The following ECPAS variants were observed in gnomAD, a reference collection of about 807,000 sequenced individuals.
ECPAS encodes proteasome adapter and scaffold protein ECM29.
In ECPAS, 70 loss-of-function variants were observed where a neutral mutation model predicts 255.1. The ratio of observed to expected loss-of-function variants is 0.27; its 90% confidence interval spans 0.23 to 0.33. The LOEUF (loss-of-function observed/expected upper bound fraction) is 0.33, where lower values mean the gene tolerates loss of function less well. Among genes scored for constraint, ECPAS ranks in the 10% least tolerant of loss-of-function variants. ECPAS has a pLI of 1.00. For synonymous variants in ECPAS, 784 were observed against 775.0 expected (o/e 1.01, Z -0.19); for missense variants, 1,817 against 2,206.4 (o/e 0.82, Z 3.54).
intron 9 of ECPAS, 99 bp from the exon 10 acceptor site, chr9:111,428,260 G>C (rs1042197338): frequency 1.8e-4 from 209 of 1,177,714 alleles, no homozygotes; most frequent in Non-Finnish European, 2.4e-4. Context: ...CTCAAACTTT[G>C]TTTCAAGATC....
chr9:111,479,954 C>A (rs1416307664), intron 1 of ECPAS, among the ~76,000 whole-genome samples: 1 of 144,762 alleles, frequency 6.9e-6, no homozygotes, highest in African/African-American at 2.6e-5. Flanking sequence ...GCACACCAGC[C>A]TGGGTGACAG....
intron 2 of ECPAS, among the ~76,000 whole-genome samples, chr9:111,464,867 T>C (rs1382800062): frequency 6.6e-6 from 1 of 152,144 alleles, no homozygotes; most frequent in East Asian, 1.9e-4. Flanking sequence ...TTGAATTGCA[T>C]CTGCAATGTT....
chr9:111,420,985 C>T (rs2098212673), intron 15 of ECPAS, among the ~76,000 whole-genome samples: 1 of 152,158 alleles, frequency 6.6e-6, no homozygotes, highest in Admixed American at 6.6e-5. Flanking sequence ...GTGCGTAGAA[C>T]CAGTATCTGT....
intron 24 of ECPAS, 75 bp from the exon 25 acceptor site, chr9:111,397,228 C>A: frequency 1.3e-6 from 2 of 1,572,058 alleles, no homozygotes; most frequent in Non-Finnish European, 1.7e-6. Context: ...AGAAAGCCTG[C>A]TTAAAAGTGT....
chr9:111,484,250 GC>G lies in ECPAS; in HGVS notation c.-218del. On this transcript the variant is annotated 5_prime_UTR_variant, in exon 1 of 50. Coordinates refer to ENST00000684092, the MANE Select transcript of ECPAS (RefSeq NM_001364929.1). ...GTCCGTGAGGGGCTGGGCCGAGCGG[GC>G]CCGGGCTGCCCTAGCGGCCGGGGGA... 7.4e-6 allele frequency: 11 copies of G among 1,485,392 alleles called. No individual in the cohort carries two copies. The highest frequency in any genetic ancestry group is 9.8e-6 in the Non-Finnish European group (11 of 1,122,526). 92.0% of individuals were successfully genotyped at this position (1,485,392 alleles called of 1,614,324 possible). A position where few individuals can be genotyped will look rare whatever the true frequency, so the allele number is the denominator to read the frequency against.
chr9:111,396,404 C>A (rs1476279251), intron 25 of ECPAS, among the ~76,000 whole-genome samples: 1 of 152,186 alleles, frequency 6.6e-6, no homozygotes, highest in Non-Finnish European at 1.5e-5. Flanking sequence ...GAGGACACAT[C>A]ATCTGGAAAC....
chr9:111,484,060 C>T lies in ECPAS; in HGVS notation c.-83+56G>A. Reference sequence around the variant, plus strand: ...GGCCTGTGCGGGCGGCCCGGCCTAACCGCGCCGCCGCGCGCGCAGGGCCAG... The same window carrying T: ...GGCCTGTGCGGGCGGCCCGGCCTAATCGCGCCGCCGCGCGCGCAGGGCCAG... On this transcript the variant is annotated intron_variant, in intron 1 of 49. Transcript: ENST00000684092. 8 of 1,129,376 alleles carry T rather than the reference C, an allele frequency of 7.1e-6. No homozygotes were observed. Among genetic ancestry groups the T allele is most frequent in the Non-Finnish European group, 8.7e-6 (8 of 924,576 alleles). The allele number at this position is 1,129,376 out of a possible 1,614,324, so 70.0% of individuals were successfully genotyped here.
intron 48 of ECPAS, among the ~76,000 whole-genome samples, chr9:111,364,821 T>C (rs999031596): frequency 2.6e-5 from 4 of 152,344 alleles, no homozygotes; most frequent in Middle Eastern, 3.4e-3. Flanking sequence ...CACTTATGTA[T>C]GTATCCCAAC....
chr9:111,386,216 A>G (rs4978994), intron 32 of ECPAS, among the ~76,000 whole-genome samples, 161 bp downstream of exon 32: 75,106 of 152,076 alleles, frequency 0.49, 18,998 homozygotes, highest in African/African-American at 0.58. Flanking sequence ...CACCCACCTC[A>G]GCCTCCCCAT....
intron 4 of ECPAS, 129 bp downstream of exon 4, chr9:111,444,249 A>C (rs1052655824): frequency 1.7e-6 from 1 of 605,546 alleles, no homozygotes; most frequent in African/African-American, 1.9e-5. Flanking sequence ...AAAAAAAAAA[A>C]AAACTCATGT....
chr9:111,479,763 G>A (rs954853001), intron 1 of ECPAS, among the ~76,000 whole-genome samples: 4 of 151,986 alleles, frequency 2.6e-5, no homozygotes, highest in African/African-American at 4.8e-5. Flanking sequence ...GGGGGATCAC[G>A]AGGTCAGGAG....
At position 111,408,594 on chromosome 9, in the gene ECPAS, G is replaced by C. The variant is rs375050977; in HGVS notation, c.2629C>G (p.Gln877Glu). ...ACCTCCACAGAATCCATCAGACCTT[G>C]CAAGAGGAGTTTCTGGTGAGGAAAA... ...GDFPHQKLLLQGLMDSVEAKQ... is the reference protein window; with the variant it reads ...GDFPHQKLLLEGLMDSVEAKQ... The change falls in exon 24 of 50, where the codon CAA becomes GAA. Residue 877 changes from glutamine to glutamate, a missense_variant. Transcript: ENST00000684092. The C allele has an allele frequency of 1.9e-5, 30 of 1,591,800 alleles. No homozygotes were observed. In the African/African-American group the frequency reaches 3.4e-4, roughly 18 times the overall value.
Position 111,433,326 on chromosome 9 carries a change from T to G in ECPAS, c.755A>C (p.Glu252Ala), listed in dbSNP as rs767685769. 1 of 1,614,000 alleles carries G rather than the reference T, an allele frequency of 6.2e-7. No homozygotes were observed. Among genetic ancestry groups the G allele is most frequent in the Non-Finnish European group, 8.5e-7 (1 of 1,179,852 alleles). Residue 252 changes from glutamate to alanine, a missense_variant, in exon 8 of 50, where the codon GAA becomes GCA. Glu to Ala is a moderately radical substitution (Grantham distance 107). This residue lies in a region of ECPAS where 573 missense variants were observed against 716.2 expected (regional missense o/e 0.80). Transcript: ENST00000684092. ...VKFIEAEQVPELEAVLHLVIA... is the reference protein window; with the variant it reads ...VKFIEAEQVPALEAVLHLVIA... Reference sequence around the variant, plus strand: ...CACCAAGTGGAGAACAGCTTCAAGTTCAGGCACCTGTTCAGCTTCTATGAA... The same window carrying G: ...CACCAAGTGGAGAACAGCTTCAAGTGCAGGCACCTGTTCAGCTTCTATGAA...
chr9:111,448,866 T>C (rs2098256650), intron 3 of ECPAS, among the ~76,000 whole-genome samples: 1 of 152,184 alleles, frequency 6.6e-6, no homozygotes, highest in Non-Finnish European at 1.5e-5. Flanking sequence ...TCAACATAAC[T>C]ATTACATATA....
chr9:111,362,574 A>G lies in ECPAS; in HGVS notation c.5381-405T>C, dbSNP rs574318912. 3.9e-5 allele frequency among the ~76,000 whole-genome samples: 6 copies of G among 152,314 alleles called. No individual in the cohort carries two copies. The South Asian group carries it at 1.0e-3, about 26-fold the overall frequency. On this transcript the variant is annotated intron_variant, in intron 49 of 49. Transcript: ENST00000684092. ...CAGTTAAAAAAAAAAAACTTCTAAGAAATGTCATAATTGCAAGGTCAGATA... is the reference window on the plus strand; with the variant it reads ...CAGTTAAAAAAAAAAAACTTCTAAGGAATGTCATAATTGCAAGGTCAGATA...
chr9:111,377,565 A>G (rs1293221776), intron 36 of ECPAS, among the ~76,000 whole-genome samples: 1 of 152,222 alleles, frequency 6.6e-6, no homozygotes, highest in Non-Finnish European at 1.5e-5. Flanking sequence ...AACACTATAC[A>G]TACATTAAAA....
intron 2 of ECPAS, among the ~76,000 whole-genome samples, chr9:111,454,016 G>C (rs1302157414): frequency 6.6e-6 from 1 of 152,056 alleles, no homozygotes; most frequent in Admixed American, 6.6e-5. Context: ...AAAAAAGGGA[G>C]GGAGGAAAGA....
At chr9:111,443,162 T>C (rs1417035310) in intron 4 of ECPAS, among the ~76,000 whole-genome samples, 2 of 152,220 alleles carry the variant, frequency 1.3e-5, no homozygotes, top group South Asian at 2.1e-4. Flanking sequence ...CCTGTATCAC[T>C]ATAATCTGTG....
rs747430054 is a variant in ECPAS at position 111,397,092 on chromosome 9, G to C, written c.2714C>G (p.Thr905Ser). 7 of 1,613,954 alleles carry C rather than the reference G, an allele frequency of 4.3e-6. No individual in the cohort carries two copies. The East Asian group carries it at 6.7e-5, about 15-fold the overall frequency. The change falls in exon 25 of 50, where the codon ACT becomes AGT. Residue 905 changes from threonine to serine, a missense_variant. This residue lies in a region of ECPAS where 960 missense variants were observed against 1,179.0 expected (regional missense o/e 0.81). Coordinates refer to ENST00000684092, the MANE Select transcript of ECPAS (RefSeq NM_001364929.1). Reference protein sequence around the residue: ...GEAITSAAIGTSSVAARDAWQ... With the variant: ...GEAITSAAIGSSSVAARDAWQ... The stretch of plus-strand genomic sequence containing the variant: ...GGCATCTCGGGCAGCCACAGAACTA[G>C]TTCCTATTGCAGCACTGGTAATGGC...
Sources: allele counts gnomAD v4.1 joint callset (sites outside exome capture counted in the v4.1 genomes callset), GRCh38; gene constraint gnomAD v4.1.1; regional missense constraint gnomAD v4.1.1; transcripts MANE v1.5; gene names NCBI Gene and HGNC (gene_info 2026-07-23, HGNC 2026-07-21).